EXT1: variants seen among roughly 807,000 people sequenced by gnomAD.
EXT1 encodes exostosin-1.
A neutral mutation model predicts 82.5 loss-of-function variants in EXT1; 20 were observed. The ratio of observed to expected loss-of-function variants is 0.24; its 90% CI spans 0.17 to 0.35. EXT1 has a LOEUF of 0.35. Among genes scored for constraint, EXT1 ranks in the 10% least tolerant of loss-of-function variants. EXT1 has a pLI of 1.00. For synonymous variants in EXT1, 348 were observed against 350.8 expected, an observed-to-expected ratio of 0.99 and a Z score of 0.09; for missense variants, 757 against 936.5, an observed-to-expected ratio of 0.81 and a Z score of 2.50.
chr8:118,070,082 A>G (rs2447532), intron 1 of EXT1, among the ~76,000 whole-genome samples: 54,927 of 152,078 alleles, frequency 0.36, 11,636 homozygotes, highest in African/African-American at 0.58. Context: ...ACATAAAAAT[A>G]TTTATAAACT....
chr8:117,853,751 G>C (rs1812493800), intron 1 of EXT1, among the ~76,000 whole-genome samples: 1 of 152,174 alleles, frequency 6.6e-6, no homozygotes, highest in South Asian at 2.1e-4. Flanking sequence ...TACAGGCTCT[G>C]TAGAAATGGG....
At chr8:117,917,174 T>C (rs1461211961) in intron 1 of EXT1, among the ~76,000 whole-genome samples, 1 of 152,152 alleles carries the variant, frequency 6.6e-6, no homozygotes, top group Non-Finnish European at 1.5e-5. Context: ...TACAGACTTT[T>C]TAAAAAACCT....
chr8:117,872,717 T>C (rs895565659), intron 1 of EXT1, among the ~76,000 whole-genome samples: 1 of 151,858 alleles, frequency 6.6e-6, no homozygotes, highest in Admixed American at 6.6e-5. Flanking sequence ...GAAATGGCAA[T>C]ATTATACAAT....
intron 7 of EXT1, among the ~76,000 whole-genome samples, chr8:117,816,537 A>G (rs1811823909): frequency 6.6e-6 from 1 of 152,180 alleles, no homozygotes; most frequent in South Asian, 2.1e-4. Context: ...AGCCCACTGG[A>G]TTCAGTGCCC....
intron 1 of EXT1, among the ~76,000 whole-genome samples, chr8:118,032,140 C>T (rs116286680): frequency 9.2e-4 from 132 of 143,792 alleles, no homozygotes; most frequent in African/African-American, 3.1e-3. Context: ...GCCAAAACCG[C>T]GATGACTTTT....
At chr8:117,943,142 T>C (rs962150463) in intron 1 of EXT1, among the ~76,000 whole-genome samples, 1 of 152,254 alleles carries the variant, frequency 6.6e-6, no homozygotes, top group African/African-American at 2.4e-5. Flanking sequence ...CTTTCTTCTT[T>C]AAAGAGTATT....
intron 10 of EXT1, among the ~76,000 whole-genome samples, chr8:117,802,294 G>A (rs1456984936): frequency 1.3e-5 from 2 of 152,264 alleles, no homozygotes; most frequent in East Asian, 1.9e-4. Flanking sequence ...CTTAGTGAGT[G>A]TTCTGAAGAA....
chr8:117,989,473 C>T (rs1815391047), intron 1 of EXT1, among the ~76,000 whole-genome samples: 1 of 152,228 alleles, frequency 6.6e-6, no homozygotes, highest in East Asian at 1.9e-4. Flanking sequence ...TTCCTGTGGC[C>T]CCAGACCTCA....
chr8:118,043,497 G>C (rs1586360656), intron 1 of EXT1, among the ~76,000 whole-genome samples: 2 of 152,092 alleles, frequency 1.3e-5, no homozygotes, highest in East Asian at 1.9e-4. Context: ...TTCTCACACT[G>C]AAGTATCTTG....
chr8:117,903,289 G>A (rs1336288679), intron 1 of EXT1, among the ~76,000 whole-genome samples: 5 of 152,214 alleles, frequency 3.3e-5, no homozygotes. Context: ...GAAAAGAACA[G>A]GGAGAGAGGA....
At chr8:118,070,335 T>TA (rs547230121) in intron 1 of EXT1, among the ~76,000 whole-genome samples, 17 of 150,936 alleles carry the variant, frequency 1.1e-4, no homozygotes, top group African/African-American at 4.1e-4. Context: ...TACAGTTATT[T>TA]AAAAAAAATC....
rs79441055 is a variant in EXT1, at chr8:118,030,661, T to C, written c.962+79424A>G. 2.7e-3 allele frequency among the ~76,000 whole-genome samples: 405 copies of C among 152,152 alleles called. 14 individuals carry two copies. In the East Asian group the frequency reaches 0.058, roughly 22 times the overall value. On this transcript the variant is annotated intron_variant, in intron 1 of 10. Coordinates refer to ENST00000378204, the MANE Select transcript of EXT1 (RefSeq NM_000127.3). ...CACGCCCAGCTAATTTTTTTGTACT[T>C]AGTAGAGATGGGGTTTCACCATGTT... is the stretch of plus-strand genomic sequence containing the variant.
At chr8:117,829,737 C>G (rs1291358260) in intron 4 of EXT1, among the ~76,000 whole-genome samples, 1 of 151,756 alleles carries the variant, frequency 6.6e-6, no homozygotes, top group Non-Finnish European at 1.5e-5. Context: ...CCATGCCTGG[C>G]TAATTTTTTG....
At chr8:117,814,062 A>AAGGAGG (rs981344122) in intron 7 of EXT1, among the ~76,000 whole-genome samples, 6 of 151,362 alleles carry the variant, frequency 4.0e-5, no homozygotes, top group South Asian at 2.1e-4. Context: ...GAAGGAGGAG[A>AAGGAGG]AGGAGGAGGA....
intron 1 of EXT1, among the ~76,000 whole-genome samples, chr8:118,040,946 G>C (rs1006593441): frequency 6.6e-6 from 1 of 152,188 alleles, no homozygotes; most frequent in African/African-American, 2.4e-5. Context: ...TAATCCGTCA[G>C]CTTCAGAGTC....
intron 1 of EXT1, among the ~76,000 whole-genome samples, chr8:117,942,530 G>A (rs1814304019): frequency 1.3e-5 from 2 of 152,110 alleles, no homozygotes; most frequent in South Asian, 4.1e-4. Context: ...TGACCAACAT[G>A]GAGAAAGCCC....
rs921026161 is a variant in EXT1 at position 117,795,917 on chromosome 8, T to G, written c.*3795A>C. ...ATATTAATGCTTATTTGCTGAGAAC[T>G]CAACTCAAAACAACTTTGTCCCTGT... On this transcript the variant is annotated 3_prime_UTR_variant, in exon 11 of 11. Transcript: ENST00000378204. 6.6e-6 allele frequency: 1 copy of G among 152,172 alleles called. No homozygotes were observed. The highest frequency in any genetic ancestry group is 1.5e-5 in the Non-Finnish European group (1 of 68,026). The allele number at this position is 152,172 out of a possible 1,614,324, so 9.4% of individuals were successfully genotyped here.
chr8:118,035,207 C>T (rs1816397147), intron 1 of EXT1, among the ~76,000 whole-genome samples: 1 of 152,158 alleles, frequency 6.6e-6, no homozygotes, highest in African/African-American at 2.4e-5. Flanking sequence ...AACCCTCAGG[C>T]TGTCCTACTC....
intron 4 of EXT1, among the ~76,000 whole-genome samples, chr8:117,825,315 A>T (rs1811992300): frequency 6.6e-6 from 1 of 151,650 alleles, no homozygotes; most frequent in Non-Finnish European, 1.5e-5. Context: ...CACCATATAG[A>T]AAGATCATTT....
Sources: allele counts gnomAD v4.1 joint callset (sites outside exome capture counted in the v4.1 genomes callset), GRCh38; gene constraint gnomAD v4.1.1; transcripts MANE v1.5; gene names NCBI Gene and HGNC (gene_info 2026-07-23, HGNC 2026-07-21).